Variants in HTR7 observed in about 807,000 individuals in gnomAD.
The protein encoded by HTR7 is 5-hydroxytryptamine receptor 7.
A neutral mutation model predicts 34.0 loss-of-function variants in HTR7; 16 were observed. The observed-to-expected ratio is 0.47, with a 90% CI of 0.32 to 0.71. HTR7 has a LOEUF of 0.71. Among genes scored for constraint, HTR7 ranks in the 30% least tolerant of loss-of-function variants. The pLI, the probability that HTR7 is intolerant of heterozygous loss-of-function variation, is 0.04. For synonymous variants in HTR7, 265 were observed against 260.2 expected (o/e 1.02, Z -0.18); for missense variants, 504 against 625.5 (o/e 0.81, Z 2.07).
At chr10:90,853,371 A>G (rs1846529869) in intron 1 of HTR7, among the ~76,000 whole-genome samples, 1 of 149,138 alleles carries the variant, frequency 6.7e-6, no homozygotes, top group Non-Finnish European at 1.5e-5. Context: ...CTGCAGCCTC[A>G]ACCTCCTGGG....
intron 1 of HTR7, among the ~76,000 whole-genome samples, chr10:90,783,176 A>AT (rs1255018166): frequency 1.3e-5 from 2 of 151,950 alleles, no homozygotes; most frequent in East Asian, 1.9e-4. Context: ...TTATTTCTCT[A>AT]TTTTTTTCTG....
intron 1 of HTR7, among the ~76,000 whole-genome samples, chr10:90,852,814 C>T (rs1389972880): frequency 2.0e-5 from 3 of 152,058 alleles, no homozygotes; most frequent in African/African-American, 7.2e-5. Context: ...ATGCATGATG[C>T]TAATGTCAGG....
intron 1 of HTR7, among the ~76,000 whole-genome samples, chr10:90,821,126 A>ACATG (rs1374397805): frequency 1.0e-5 from 1 of 100,498 alleles, no homozygotes; most frequent in African/African-American, 6.3e-5. Flanking sequence ...ACAAACACAC[A>ACATG]CACACATGCA....
intron 1 of HTR7, among the ~76,000 whole-genome samples, chr10:90,793,924 G>A: frequency 6.6e-6 from 1 of 152,152 alleles, no homozygotes; most frequent in South Asian, 2.1e-4. Context: ...GGAAGACTCA[G>A]CAAGTCTAGT....
intron 1 of HTR7, among the ~76,000 whole-genome samples, chr10:90,770,806 C>A (rs772498874): frequency 6.6e-6 from 1 of 152,218 alleles, no homozygotes; most frequent in Non-Finnish European, 1.5e-5. Context: ...GGCAGAAAGG[C>A]TCCTGGGCAG....
At chr10:90,854,717 G>C (rs1352535861) in intron 1 of HTR7, among the ~76,000 whole-genome samples, 1 of 152,212 alleles carries the variant, frequency 6.6e-6, no homozygotes, top group Non-Finnish European at 1.5e-5. Context: ...GTGATGGGGA[G>C]TGGTTAAGAA....
chr10:90,837,245 A>G (rs1369723551), intron 1 of HTR7, among the ~76,000 whole-genome samples: 1 of 152,250 alleles, frequency 6.6e-6, no homozygotes, highest in Admixed American at 6.5e-5. Context: ...TCATTCAACT[A>G]AAATGTGTTT....
chr10:90,853,012 T>C (rs1461871792), intron 1 of HTR7, among the ~76,000 whole-genome samples: 1 of 152,142 alleles, frequency 6.6e-6, no homozygotes, highest in African/African-American at 2.4e-5. Flanking sequence ...AACAAATATT[T>C]CAGTCATACA....
Position 90,857,130 on chromosome 10 carries a change from T to G in HTR7, c.539+3A>C. ...GCCTGGGACGGGGCGGTCCGGCCCTTACCTGTCAATGCTGATCACGCACAG... is the reference window on the plus strand; with the variant it reads ...GCCTGGGACGGGGCGGTCCGGCCCTGACCTGTCAATGCTGATCACGCACAG... On this transcript the variant is annotated splice_donor_region_variant and intron_variant, in intron 1 of 3. Transcript: ENST00000336152. The surrounding 1 kb of genome is among the most constrained non-coding windows in gnomAD (Gnocchi z 6.5). The G allele has an allele frequency of 1.9e-6, 3 of 1,575,198 alleles. No individual in the cohort carries two copies. The highest frequency in any genetic ancestry group is 2.6e-6 in the Non-Finnish European group (3 of 1,158,368).
intron 2 of HTR7, among the ~76,000 whole-genome samples, chr10:90,744,185 G>C (rs1258029640): frequency 6.6e-6 from 1 of 150,966 alleles, no homozygotes; most frequent in Non-Finnish European, 1.5e-5. Context: ...AGATGAGTGA[G>C]AGCTAGAGAG....
chr10:90,802,996 C>CTTTTTTTTTTT (rs35715510), intron 1 of HTR7, among the ~76,000 whole-genome samples: 133 of 88,942 alleles, frequency 1.5e-3, no homozygotes, highest in Non-Finnish European at 1.9e-3. Flanking sequence ...CATTTGTGGC[C>CTTTTTTTTTTT]TTTTTTTTTT....
intron 1 of HTR7, among the ~76,000 whole-genome samples, chr10:90,814,199 C>G (rs1036226360): frequency 6.6e-6 from 1 of 152,150 alleles, no homozygotes; most frequent in African/African-American, 2.4e-5. Flanking sequence ...GGGAACTATC[C>G]AACTCTACTT....
chr10:90,743,935 A>G (rs537260717), intron 2 of HTR7: 7 of 654,064 alleles, frequency 1.1e-5, no homozygotes, highest in Non-Finnish European at 1.7e-5. Flanking sequence ...TGAACTCCTG[A>G]GGTTCTGGTT....
intron 1 of HTR7, among the ~76,000 whole-genome samples, chr10:90,786,980 T>C (rs560041688): frequency 1.3e-5 from 2 of 152,222 alleles, no homozygotes; most frequent in South Asian, 4.1e-4. Context: ...CATACTTTAA[T>C]AATAAGATAC....
chr10:90,772,697 G>A lies in HTR7; in HGVS notation c.540-23103C>T, dbSNP rs190956028. ...CTTTGTCTAAGTTTAATGAAACATG[G>A]TATATATTTTCCTTTTATGCCCAGA... On this transcript the variant is annotated intron_variant, in intron 1 of 3. Coordinates refer to ENST00000336152, the MANE Select transcript of HTR7 (RefSeq NM_019859.4). Among the ~76,000 whole-genome samples, 423 of 152,238 alleles carry A rather than the reference G, an allele frequency of 2.8e-3. 2 individuals carry two copies. Among genetic ancestry groups the A allele is most frequent in the Middle Eastern group, 0.014 (4 of 294 alleles).
At chr10:90,772,567 G>A (rs1845133458) in intron 1 of HTR7, among the ~76,000 whole-genome samples, 1 of 152,086 alleles carries the variant, frequency 6.6e-6, no homozygotes, top group Non-Finnish European at 1.5e-5. Flanking sequence ...AAATCTTCCA[G>A]AATTTAAAAT....
chr10:90,797,250 C>A (rs2119905765), intron 1 of HTR7, among the ~76,000 whole-genome samples: 1 of 152,066 alleles, frequency 6.6e-6, no homozygotes, highest in African/African-American at 2.4e-5. Flanking sequence ...CTGGAAGGGG[C>A]CTCAGAGACC....
chr10:90,813,133 C>T (rs904986284), intron 1 of HTR7, among the ~76,000 whole-genome samples: 39 of 152,062 alleles, frequency 2.6e-4, no homozygotes, highest in Admixed American at 2.1e-3. Context: ...TCTTATAAAA[C>T]GGCCCCACCC....
intron 1 of HTR7, among the ~76,000 whole-genome samples, chr10:90,838,898 T>G (rs944208569): frequency 2.6e-5 from 4 of 151,980 alleles, no homozygotes; most frequent in Admixed American, 2.0e-4. Context: ...AACAAATTAA[T>G]GTGTGTGTGT....
Sources: gnomAD v4.1 joint callset for allele counts (sites outside exome capture counted in the v4.1 genomes callset) on GRCh38, gnomAD v4.1.1 for gene constraint, Gnocchi (gnomAD v3.1) non-coding constraint, MANE v1.5 for transcripts, NCBI Gene and HGNC (gene_info 2026-07-23, HGNC 2026-07-21) for gene names.